ATG7: variants seen among roughly 807,000 people sequenced by gnomAD.
The protein encoded by ATG7 is ubiquitin-like modifier-activating enzyme ATG7.
A neutral mutation model predicts 82.4 loss-of-function variants in ATG7; 70 were observed. The observed-to-expected ratio is 0.85, with a 90% CI of 0.70 to 1.04. The LOEUF (loss-of-function observed/expected upper bound fraction) is 1.04. ATG7 is among the 50% of genes least tolerant of loss of function. The pLI is 0.00. For missense variants in ATG7, 792 were observed against 864.3 expected (o/e 0.92, Z 1.05); for synonymous variants, 287 against 313.0 (o/e 0.92, Z 0.88).
intron 10 of ATG7, among the ~76,000 whole-genome samples, chr3:11,332,278 C>G (rs965514946): frequency 1.1e-4 from 16 of 152,094 alleles, no homozygotes; most frequent in African/African-American, 3.6e-4. Context: ...TAAGTTGGAC[C>G]TAAAATAATA....
chr3:11,538,680 A>T (rs1255041445), intron 20 of ATG7, among the ~76,000 whole-genome samples: 2 of 8,568 alleles, frequency 2.3e-4, no homozygotes, highest in Non-Finnish European at 6.1e-4. Flanking sequence ...CCGTCTCTAA[A>T]AAAAAAAAAA....
At chr3:11,575,895 C>T in the ATG7 span, among the ~76,000 whole-genome samples, 3 of 152,238 alleles carry the variant, frequency 2.0e-5, no homozygotes, top group Non-Finnish European at 4.4e-5. Flanking sequence ...GACCCGTTGC[C>T]TCTAGAGAGG....
At chr3:11,510,552 C>T (rs1344886205) in intron 20 of ATG7, among the ~76,000 whole-genome samples, 2 of 151,702 alleles carry the variant, frequency 1.3e-5, no homozygotes, top group African/African-American at 2.4e-5. Context: ...AAAGCTGTCC[C>T]CTCGCTCTTT....
At chr3:11,557,956 A>G (rs1232186698), downstream of ATG7, 1 of 153,762 alleles carries the variant, frequency 6.5e-6, no homozygotes. Flanking sequence ...AGTAACAACA[A>G]CAAACACACA....
At chr3:11,574,943 C>T in the ATG7 span, among the ~76,000 whole-genome samples, 1 of 151,972 alleles carries the variant, frequency 6.6e-6, no homozygotes, top group Non-Finnish European at 1.5e-5. Context: ...AGCTTGTCGG[C>T]CGAGTTACCA....
intron 3 of ATG7, among the ~76,000 whole-genome samples, chr3:11,284,725 A>T (rs1943660714): frequency 2.0e-5 from 3 of 151,610 alleles, no homozygotes; most frequent in Admixed American, 1.3e-4. Flanking sequence ...ATAATTTTTT[A>T]AAATTATTTG....
chr3:11,454,501 A>G (rs1362741502), intron 20 of ATG7, among the ~76,000 whole-genome samples: 1 of 152,202 alleles, frequency 6.6e-6, no homozygotes, highest in African/African-American at 2.4e-5. Context: ...GAGACCACAC[A>G]TGGAAGAGAG....
At chr3:11,531,024 C>T (rs775657125) in intron 20 of ATG7, among the ~76,000 whole-genome samples, 10 of 152,144 alleles carry the variant, frequency 6.6e-5, no homozygotes, top group African/African-American at 1.2e-4. Context: ...CCTCACTCAC[C>T]GTGGTCCTGG....
chr3:11,508,776 A>C (rs779690474), intron 20 of ATG7, among the ~76,000 whole-genome samples: 36 of 152,128 alleles, frequency 2.4e-4, no homozygotes, highest in Non-Finnish European at 4.4e-4. Flanking sequence ...TGAACTAATA[A>C]TCCTCAGTTC....
intron 20 of ATG7, among the ~76,000 whole-genome samples, chr3:11,463,758 C>G (rs1032185346): frequency 6.6e-6 from 1 of 152,204 alleles, no homozygotes; most frequent in South Asian, 2.1e-4. Context: ...GCTCCAGAGC[C>G]TCATAATCCA....
chr3:11,538,651 T>G (rs1302453068), intron 20 of ATG7, among the ~76,000 whole-genome samples: 3 of 117,176 alleles, frequency 2.6e-5, no homozygotes, highest in African/African-American at 1.0e-4. Context: ...GAGACCACCC[T>G]GGTCAGTGTG....
At chr3:11,522,361 C>A (rs1339594332) in intron 20 of ATG7, among the ~76,000 whole-genome samples, 5 of 152,160 alleles carry the variant, frequency 3.3e-5, no homozygotes, top group Admixed American at 2.0e-4. Flanking sequence ...CCTTTTGTGC[C>A]TTCATTCCTT....
At chr3:11,568,801 C>A in the ATG7 span, 3 of 1,436,614 alleles carry the variant, frequency 2.1e-6, no homozygotes, top group South Asian at 2.9e-5. This position sits in a 1 kb window ranked among gnomAD's most constrained non-coding sequence, Gnocchi z 5.9. Flanking sequence ...CCCGAGAGAG[C>A]CCACGGCATC....
intron 19 of ATG7, among the ~76,000 whole-genome samples, chr3:11,413,753 C>T (rs1232023176): frequency 6.6e-6 from 1 of 152,176 alleles, no homozygotes; most frequent in African/African-American, 2.4e-5. Context: ...CATAGAATGA[C>T]TTAGGAAGTG....
chr3:11,476,352 A>T (rs900183690), intron 20 of ATG7, among the ~76,000 whole-genome samples: 6 of 152,092 alleles, frequency 3.9e-5, no homozygotes, highest in Non-Finnish European at 7.4e-5. Context: ...TGTTAGCTCA[A>T]TGCCGTGGAT....
At chr3:11,547,799 T>C (rs2071418691) in intron 20 of ATG7, among the ~76,000 whole-genome samples, 1 of 152,248 alleles carries the variant, frequency 6.6e-6, no homozygotes, top group South Asian at 2.1e-4. Context: ...ATGTGCTTCT[T>C]AGCAATTTGT....
At chr3:11,340,109 G>T (rs1427997153) in intron 11 of ATG7, among the ~76,000 whole-genome samples, 1 of 152,124 alleles carries the variant, frequency 6.6e-6, no homozygotes, top group Non-Finnish European at 1.5e-5. Flanking sequence ...AATGGATAAA[G>T]ATGAGCTTAA....
At chr3:11,385,263 T>C (rs1332671397) in intron 19 of ATG7, among the ~76,000 whole-genome samples, 1 of 152,052 alleles carries the variant, frequency 6.6e-6, no homozygotes, top group African/African-American at 2.4e-5. Flanking sequence ...CTCTTGACCT[T>C]GTAATCTGCC....
intron 20 of ATG7, among the ~76,000 whole-genome samples, chr3:11,540,924 G>A (rs962896415): frequency 4.0e-5 from 5 of 125,914 alleles, no homozygotes; most frequent in Admixed American, 8.0e-5. Flanking sequence ...GGGAGGGGGG[G>A]AGTCTTGCTC....
Sources: allele counts gnomAD v4.1 joint callset (sites outside exome capture counted in the v4.1 genomes callset), GRCh38; gene constraint gnomAD v4.1.1; non-coding constraint Gnocchi (gnomAD v3.1); transcripts MANE v1.5; gene names NCBI Gene and HGNC (gene_info 2026-07-23, HGNC 2026-07-21).